The following FGF14 variants were observed in gnomAD, a reference collection of about 807,000 sequenced individuals.
FGF14 encodes the protein fibroblast growth factor 14.
FGF14 carries 5 observed loss-of-function variants against 25.5 expected under a neutral mutation model. The observed-to-expected ratio is 0.20, with a 90% CI of 0.10 to 0.41. FGF14 has a LOEUF of 0.41. Among genes scored for constraint, FGF14 ranks in the 10% least tolerant of loss-of-function variants. The probability of loss-of-function intolerance (pLI) is 1.00; values close to 1 mark genes in which losing one functional copy is unlikely to be tolerated. For synonymous variants in FGF14, 138 were observed against 118.3 expected (o/e 1.17, Z -1.08); for missense variants, 222 against 320.1 (o/e 0.69, Z 2.34).
chr13:102,194,926 A>G (rs1029244846), intron 1 of FGF14, among the ~76,000 whole-genome samples: 1 of 152,176 alleles, frequency 6.6e-6, no homozygotes, highest in Non-Finnish European at 1.5e-5. Context: ...TTCTTATCAG[A>G]AACTATGGTT....
At chr13:101,808,629 T>A (rs994180525) in intron 3 of FGF14, among the ~76,000 whole-genome samples, 2 of 152,104 alleles carry the variant, frequency 1.3e-5, no homozygotes. Context: ...TAACTTGGCC[T>A]CTCTTGTTGG....
chr13:102,186,244 G>A (rs1200591163), intron 1 of FGF14, among the ~76,000 whole-genome samples: 2 of 152,158 alleles, frequency 1.3e-5, no homozygotes, highest in Non-Finnish European at 2.9e-5. Flanking sequence ...TTTCTCTTAA[G>A]ATGGCTTATT....
chr13:101,850,552 GA>G (rs1373241534), intron 3 of FGF14, among the ~76,000 whole-genome samples: 1 of 26,336 alleles, frequency 3.8e-5, no homozygotes, highest in East Asian at 1.1e-3. Flanking sequence ...TATATATATA[GA>G]ATTATATATT....
intron 1 of FGF14, among the ~76,000 whole-genome samples, chr13:102,179,083 A>G (rs1355539390): frequency 2.0e-5 from 3 of 152,172 alleles, no homozygotes; most frequent in African/African-American, 7.2e-5. Flanking sequence ...GGATTCAGTC[A>G]TGCAGCCCAT....
At chr13:101,800,880 T>C (rs2040833290) in intron 3 of FGF14, among the ~76,000 whole-genome samples, 1 of 152,166 alleles carries the variant, frequency 6.6e-6, no homozygotes, top group South Asian at 2.1e-4. Flanking sequence ...CAGAAATAGG[T>C]GATCGTCCAG....
chr13:101,843,307 C>A (rs924900649), intron 3 of FGF14, among the ~76,000 whole-genome samples: 1 of 151,836 alleles, frequency 6.6e-6, no homozygotes, highest in South Asian at 2.1e-4. Context: ...ATTTAGGGGG[C>A]GATGTGTATT....
intron 1 of FGF14, among the ~76,000 whole-genome samples, chr13:102,056,716 TAC>T (rs1425408422): frequency 2.0e-5 from 3 of 151,406 alleles, no homozygotes; most frequent in African/African-American, 7.3e-5. Flanking sequence ...ATCAGGATCC[TAC>T]AGTGATTCAA....
intron 1 of FGF14, among the ~76,000 whole-genome samples, chr13:102,252,767 C>G (rs557665893): frequency 6.6e-6 from 1 of 151,988 alleles, no homozygotes; most frequent in East Asian, 1.9e-4. Context: ...TTTGCTGCAC[C>G]CATTAACCCA....
chr13:102,075,371 T>A (rs908574996), intron 1 of FGF14, among the ~76,000 whole-genome samples: 9 of 152,188 alleles, frequency 5.9e-5, no homozygotes, highest in African/African-American at 2.2e-4. Context: ...TGAATTTGGT[T>A]AATGACAGAA....
intron 1 of FGF14, among the ~76,000 whole-genome samples, chr13:101,956,527 T>C (rs2036524221): frequency 6.6e-6 from 1 of 152,104 alleles, no homozygotes; most frequent in Non-Finnish European, 1.5e-5. Context: ...TCTGGCTAGA[T>C]TCTCTGGAAA....
intron 1 of FGF14, among the ~76,000 whole-genome samples, chr13:101,893,435 C>T (rs1403331745): frequency 6.6e-6 from 1 of 152,088 alleles, no homozygotes; most frequent in African/African-American, 2.4e-5. Context: ...CCTGAAAGCA[C>T]CTACATTCTT....
intron 1 of FGF14, among the ~76,000 whole-genome samples, chr13:102,001,576 C>T (rs374680432): frequency 3.3e-5 from 5 of 152,092 alleles, no homozygotes; most frequent in African/African-American, 4.8e-5. Flanking sequence ...ATCCCACACC[C>T]GTAAGAGTAA....
chr13:101,772,222 C>T (rs1594193623), intron 3 of FGF14, among the ~76,000 whole-genome samples: 1 of 152,110 alleles, frequency 6.6e-6, no homozygotes, highest in South Asian at 2.1e-4. Context: ...TAAATTCTAG[C>T]TTTAAAGTTA....
intron 1 of FGF14, among the ~76,000 whole-genome samples, chr13:101,878,780 T>A (rs866424001): frequency 2.0e-5 from 3 of 152,062 alleles, no homozygotes; most frequent in Admixed American, 6.6e-5. Flanking sequence ...TAAATGCACA[T>A]ACCTTCAGAT....
rs541513946 is a variant in FGF14, at chr13:102,192,637, A to G, written c.208+208834T>C. On this transcript the variant is annotated intron_variant, in intron 1 of 4. Coordinates refer to the FGF14 transcript ENST00000376131. ...TCTCCTTAGCTAATTATCTAATTTT[A>G]TCACTTGCAAAATCCAAAGTCTTAT... 3.3e-5 allele frequency among the ~76,000 whole-genome samples: 5 copies of G among 152,312 alleles called. No homozygotes were observed. The South Asian group carries it at 1.0e-3, about 32-fold the overall frequency.
At chr13:102,392,871 T>C (rs767208845) in intron 1 of FGF14, among the ~76,000 whole-genome samples, 7 of 152,186 alleles carry the variant, frequency 4.6e-5, no homozygotes, top group Admixed American at 2.0e-4. Flanking sequence ...AACCCAGAGC[T>C]GTTTTCCACG....
At chr13:102,256,453 A>G (rs1339924142) in intron 1 of FGF14, among the ~76,000 whole-genome samples, 1 of 152,068 alleles carries the variant, frequency 6.6e-6, no homozygotes, top group Non-Finnish European at 1.5e-5. Context: ...AGCTGTGATC[A>G]CGCCACTGCA....
chr13:102,103,466 G>GCT (rs1253228039), intron 1 of FGF14, among the ~76,000 whole-genome samples: 9 of 29,012 alleles, frequency 3.1e-4, no homozygotes, highest in African/African-American at 2.4e-3. Context: ...CTGAGCCCCT[G>GCT]ATTTTTTTTG....
In FGF14 at chr13:101,958,065, G is replaced by C. The variant is rs1341470693; in HGVS notation, c.209-82769C>G. On this transcript the variant is annotated intron_variant, in intron 1 of 4. Coordinates refer to the FGF14 transcript ENST00000376131. ...ATAAAACACATTGTCTATGGCAAAC[G>C]TGTTAACATCTGTAAACAACTTTCA... 2.6e-5 allele frequency among the ~76,000 whole-genome samples: 4 copies of C among 152,140 alleles called. No homozygotes were observed. The East Asian group carries it at 7.7e-4, about 29-fold the overall frequency.
Sources: gnomAD v4.1 joint callset for allele counts (sites outside exome capture counted in the v4.1 genomes callset) on GRCh38, gnomAD v4.1.1 for gene constraint, MANE v1.5 for transcripts, NCBI Gene and HGNC (gene_info 2026-07-23, HGNC 2026-07-21) for gene names.